PMPCB: variants seen among roughly 807,000 people sequenced by gnomAD.
PMPCB encodes mitochondrial-processing peptidase subunit beta.
A neutral mutation model predicts 61.5 loss-of-function variants in PMPCB; 46 were observed. That is an observed-to-expected ratio of 0.75 (90% CI 0.59 to 0.96). The LOEUF (loss-of-function observed/expected upper bound fraction) is 0.96. PMPCB is among the 40% of genes least tolerant of loss of function. The pLI, the probability that PMPCB is intolerant of heterozygous loss-of-function variation, is 0.00. For missense variants in PMPCB, 590 were observed against 602.4 expected, an observed-to-expected ratio of 0.98 and a Z score of 0.22; for synonymous variants, 191 against 201.6, an observed-to-expected ratio of 0.95 and a Z score of 0.44.
At chr7:103,342,712 G>A in the PMPCB span, among the ~76,000 whole-genome samples, 1 of 151,282 alleles carries the variant, frequency 6.6e-6, no homozygotes, top group African/African-American at 2.4e-5. Flanking sequence ...GGGTTCAAGC[G>A]ATTCTCCTGC....
intron 12 of PMPCB, among the ~76,000 whole-genome samples, chr7:103,325,882 A>C (rs1818676747): frequency 6.6e-6 from 1 of 152,178 alleles, no homozygotes; most frequent in Non-Finnish European, 1.5e-5. Flanking sequence ...ACTGACAATG[A>C]GTCAGAGAGT....
the PMPCB span, chr7:103,344,700 A>C: frequency 1.4e-5 from 20 of 1,471,514 alleles, no homozygotes; most frequent in Non-Finnish European, 1.8e-5. Flanking sequence ...CTCCAGCTCT[A>C]CCTCTCACTC....
In PMPCB at chr7:103,326,196, T is replaced by G. The variant is rs575375916; in HGVS notation, c.*1432-2735T>G. Among the ~76,000 whole-genome samples, 19 of 152,268 alleles carry G rather than the reference T, an allele frequency of 1.2e-4. No homozygotes were observed. In the East Asian group the frequency reaches 3.7e-3, roughly 29 times the overall value. On this transcript the variant is annotated intron_variant and NMD_transcript_variant, in intron 12 of 12. Coordinates refer to the PMPCB transcript ENST00000444457. ...TTTCACCATGTTGGCCAGGCTGGTC[T>G]TGAACTCCTGACCTCAGGTGATCCG...
At position 103,297,461 on chromosome 7, in the gene PMPCB, T is replaced by TGGC. The variant is rs756179406; in HGVS notation, c.6_8dup (p.Ala6dup). 1.7e-5 allele frequency: 26 copies of TGGC among 1,545,682 alleles called. No homozygotes were observed. In the South Asian group the frequency reaches 3.0e-4, roughly 18 times the overall value. On this transcript the variant is annotated inframe_insertion, in exon 1 of 13. Coordinates refer to ENST00000249269, the MANE Select transcript of PMPCB (RefSeq NM_004279.3). ...TCCTCTACCTTCCTTCTAGCAGAAA[T>TGGC]GGCGGCTGCGGCGGCTCGAGTGGTG...
At chr7:103,334,246 C>T (rs143533954), downstream of PMPCB, among the ~76,000 whole-genome samples, 8,877 of 151,294 alleles carry the variant, frequency 0.059, 447 homozygotes, top group East Asian at 0.27. Flanking sequence ...CCACTGTGCC[C>T]GGCCTGTTGT....
At chr7:103,345,626 TA>T in the PMPCB span, among the ~76,000 whole-genome samples, 27 of 150,372 alleles carry the variant, frequency 1.8e-4, 2 homozygotes, top group Admixed American at 4.0e-4. Flanking sequence ...TATATATGTA[TA>T]TTTTTTTTTG....
chr7:103,314,480 G>T lies in PMPCB; in HGVS notation c.*2209G>T. The T allele has an allele frequency of 1.0e-6, 1 of 985,374 alleles. No homozygotes were observed. Among genetic ancestry groups the T allele is most frequent in the Non-Finnish European group, 1.2e-6 (1 of 829,916 alleles). The allele number at this position is 985,374 out of a possible 1,614,324, so 61.0% of individuals were successfully genotyped here. ...CACCTCTCCTCACAGAAAGCAGACT[G>T]GACAAATATCAGGGCCCACCTCCCT... On this transcript the variant is annotated 3_prime_UTR_variant, in exon 13 of 13. Coordinates refer to ENST00000249269, the MANE Select transcript of PMPCB (RefSeq NM_004279.3).
At chr7:103,327,190 G>T in intron 12 of PMPCB, 2 of 355,934 alleles carry the variant, frequency 5.6e-6, no homozygotes, top group South Asian at 4.9e-5. Context: ...ATAAGTAACT[G>T]TAGGGTCTGT....
downstream of PMPCB, among the ~76,000 whole-genome samples, chr7:103,331,769 T>A (rs952566781): frequency 6.6e-6 from 1 of 151,970 alleles, no homozygotes; most frequent in Non-Finnish European, 1.5e-5. Flanking sequence ...GACACTTAGG[T>A]TGATTCCTTA....
At chr7:103,316,886 A>G (rs1419929885), downstream of PMPCB, 2 of 1,613,980 alleles carry the variant, frequency 1.2e-6, no homozygotes, top group Admixed American at 3.3e-5. Context: ...ATTGTAGATC[A>G]TCTTCTGACC....
chr7:103,312,471 G>A lies in PMPCB; in HGVS notation c.*200G>A. 6.5e-7 allele frequency: 1 copy of A among 1,546,664 alleles called. No individual in the cohort carries two copies. Among genetic ancestry groups the A allele is most frequent in the Admixed American group, 2.0e-5 (1 of 50,660 alleles). ...TCTCTGAGAAATTATGTTGGAAGCA[G>A]CATACTTTCAAATTATTACCATGAG... On this transcript the variant is annotated 3_prime_UTR_variant, in exon 13 of 13. Transcript: ENST00000249269.
At chr7:103,325,458 A>AAC (rs1554568560) in intron 12 of PMPCB, among the ~76,000 whole-genome samples, 1 of 151,762 alleles carries the variant, frequency 6.6e-6, no homozygotes, top group Admixed American at 6.6e-5. Flanking sequence ...GGAAAAAAAA[A>AAC]AAACCAAAAA....
At position 103,307,645 on chromosome 7, in the gene PMPCB, CTCTT is replaced by C. The variant is rs750721738; in HGVS notation, c.788_791del (p.Ser263TyrfsTer23). The C allele has an allele frequency of 4.3e-6, 7 of 1,613,718 alleles. No individual in the cohort carries two copies. Among genetic ancestry groups the C allele is most frequent in the South Asian group, 2.2e-5 (2 of 91,078 alleles). ...ACTTAGCAAAGTTTCATTTCGGTGACTCTTTATGCACACACAAAGGAGAAATACC... is the reference window on the plus strand; with the variant it reads ...ACTTAGCAAAGTTTCATTTCGGTGACTATGCACACACAAAGGAGAAATACC... On this transcript the variant is annotated frameshift_variant, in exon 7 of 13. Transcript: ENST00000249269. LOFTEE classifies it high-confidence loss of function.
At chr7:103,343,063 A>T in the PMPCB span, among the ~76,000 whole-genome samples, 2 of 146,830 alleles carry the variant, frequency 1.4e-5, no homozygotes, top group African/African-American at 5.0e-5. Context: ...GCAATAGCGC[A>T]ATCTCGGCTC....
In PMPCB at chr7:103,312,416, G is replaced by A. The variant is rs1817795116; in HGVS notation, c.*145G>A. 4 of 1,508,594 alleles carry A rather than the reference G, an allele frequency of 2.7e-6. No individual in the cohort carries two copies. The highest frequency in any genetic ancestry group is 2.4e-5 in the East Asian group (1 of 41,702). 93.5% of individuals were successfully genotyped at this position (1,508,594 alleles called of 1,614,324 possible). On this transcript the variant is annotated 3_prime_UTR_variant, in exon 13 of 13. Transcript: ENST00000249269. ...AGGATAAAAAGACTACCCCTCTGAA[G>A]GTTGTTTTGTATTAATGGTCAGTCT...
chr7:103,328,442 C>T lies in PMPCB; in HGVS notation c.*1432-489C>T, dbSNP rs181025102. On this transcript the variant is annotated intron_variant and NMD_transcript_variant, in intron 12 of 12. Transcript: ENST00000444457. ...GGTCAGGAGTTCAAGACTAGCCTGGCCAATATGGCAAAACCTGGTTTCTAC... is the reference window on the plus strand; with the variant it reads ...GGTCAGGAGTTCAAGACTAGCCTGGTCAATATGGCAAAACCTGGTTTCTAC... Among the ~76,000 whole-genome samples, 318 of 151,908 alleles carry T rather than the reference C, an allele frequency of 2.1e-3. 1 individual carries two copies. Among genetic ancestry groups the T allele is most frequent in the African/African-American group, 7.0e-3 (292 of 41,442 alleles).
chr7:103,327,269 T>G, intron 12 of PMPCB: 1 of 917,042 alleles, frequency 1.1e-6, no homozygotes, highest in African/African-American at 1.8e-5. Context: ...TTTAGTCCCA[T>G]AAAGCATCTG....
rs371683587 is a variant in PMPCB at position 103,300,211 on chromosome 7, C to T, written c.361C>T (p.Leu121Phe). Residue 121 changes from leucine (L) to phenylalanine (F), a missense_variant, in exon 4 of 13, where the codon CTT (leucine) becomes TTT (phenylalanine). By Grantham distance (22) the Leu-to-Phe change is conservative. Coordinates refer to ENST00000249269, the MANE Select transcript of PMPCB (RefSeq NM_004279.3). Reference protein sequence around the residue: ...TKKRSQLDLELEIENMGAHLN... With the variant: ...TKKRSQLDLEFEIENMGAHLN... ...GAAGAGATCCCAGTTAGATCTGGAA[C>T]TTGAGATTGAAAATATGGGTGCTCA... is the stretch of plus-strand genomic sequence containing the variant. 10 of 1,612,694 alleles carry T rather than the reference C, an allele frequency of 6.2e-6. No homozygotes were observed. Among genetic ancestry groups the T allele is most frequent in the Non-Finnish European group, 7.6e-6 (9 of 1,179,008 alleles).
At chr7:103,326,481 C>A in intron 12 of PMPCB, 1 of 1,533,642 alleles carries the variant, frequency 6.5e-7, no homozygotes, top group South Asian at 1.2e-5. Context: ...GAGCAGAAAC[C>A]TGGAAGACTA....
Sources: allele counts gnomAD v4.1 joint callset (sites outside exome capture counted in the v4.1 genomes callset), GRCh38; gene constraint gnomAD v4.1.1; transcripts MANE v1.5; gene names NCBI Gene and HGNC (gene_info 2026-07-23, HGNC 2026-07-21).